Variants in BRINP1 observed in about 807,000 individuals in gnomAD.
BRINP1 encodes BMP/retinoic acid inducible neural specific 1.
Under a neutral mutation model 72.9 loss-of-function variants are expected in BRINP1, and 17 were observed. The ratio of observed to expected loss-of-function variants is 0.23; its 90% CI spans 0.16 to 0.35. The LOEUF is 0.35. Among genes scored for constraint, BRINP1 ranks in the 10% least tolerant of loss-of-function variants. The pLI is 1.00. For missense variants in BRINP1, 850 were observed against 1,001.6 expected (o/e 0.85, Z 2.04); for synonymous variants, 418 against 378.5 (o/e 1.10, Z -1.21).
At chr9:119,180,146 C>T (rs1386123447) in intron 7 of BRINP1, among the ~76,000 whole-genome samples, 2 of 152,038 alleles carry the variant, frequency 1.3e-5, no homozygotes, top group African/African-American at 2.4e-5. Context: ...TCATACAAAT[C>T]GAGTGCCAAG....
chr9:119,205,862 GC>G (rs1346547660), intron 7 of BRINP1, among the ~76,000 whole-genome samples: 3 of 126,170 alleles, frequency 2.4e-5, no homozygotes, highest in African/African-American at 1.2e-4. Flanking sequence ...GTCAAACATG[GC>G]CCTCCTCAAT....
intron 2 of BRINP1, among the ~76,000 whole-genome samples, chr9:119,274,180 C>A (rs73532292): frequency 0.013 from 1,926 of 152,262 alleles, 28 homozygotes; most frequent in Middle Eastern, 0.048. Context: ...TTGGTGTTCT[C>A]CTCTCCTCCC....
At chr9:119,260,137 A>C (rs2118933420) in intron 2 of BRINP1, among the ~76,000 whole-genome samples, 1 of 152,304 alleles carries the variant, frequency 6.6e-6, no homozygotes, top group South Asian at 2.1e-4. Flanking sequence ...GCTCTATATC[A>C]AGAACCAGGG....
At chr9:119,356,719 C>T (rs553657559) in intron 1 of BRINP1, among the ~76,000 whole-genome samples, 1 of 151,400 alleles carries the variant, frequency 6.6e-6, no homozygotes, top group East Asian at 2.0e-4. Context: ...GCAATAGAAT[C>T]GCTTGAACCT....
intron 1 of BRINP1, among the ~76,000 whole-genome samples, chr9:119,361,089 T>G (rs565340731): frequency 6.6e-6 from 1 of 152,252 alleles, no homozygotes; most frequent in African/African-American, 2.4e-5. Flanking sequence ...CTCACCAGGC[T>G]CTCCATTCCT....
chr9:119,215,464 A>C (rs569866517), intron 5 of BRINP1, among the ~76,000 whole-genome samples: 1 of 152,280 alleles, frequency 6.6e-6, no homozygotes. Context: ...TTAGCTTCCA[A>C]TATGAGGTAA....
chr9:119,266,950 G>A (rs1057251372), intron 2 of BRINP1, among the ~76,000 whole-genome samples: 7 of 152,178 alleles, frequency 4.6e-5, no homozygotes, highest in East Asian at 1.9e-4. Context: ...GGATCACTCC[G>A]GCTGCTGTGT....
chr9:119,280,100 G>A (rs1830694224), intron 2 of BRINP1, among the ~76,000 whole-genome samples: 1 of 152,038 alleles, frequency 6.6e-6, no homozygotes, highest in African/African-American at 2.4e-5. Flanking sequence ...AAACTCTCTG[G>A]GACACAGATA....
At chr9:119,192,919 G>C (rs1829696785) in intron 7 of BRINP1, among the ~76,000 whole-genome samples, 1 of 151,986 alleles carries the variant, frequency 6.6e-6, no homozygotes, top group Non-Finnish European at 1.5e-5. Context: ...CTGGGAACTG[G>C]CTCCTCAACC....
intron 1 of BRINP1, among the ~76,000 whole-genome samples, chr9:119,326,786 T>A (rs1220764844): frequency 6.6e-6 from 1 of 152,178 alleles, no homozygotes; most frequent in African/African-American, 2.4e-5. Flanking sequence ...AATAGGTAAT[T>A]TCAGTATAAT....
At chr9:119,300,351 A>G (rs1830927040) in intron 2 of BRINP1, among the ~76,000 whole-genome samples, 1 of 152,182 alleles carries the variant, frequency 6.6e-6, no homozygotes, top group Admixed American at 6.5e-5. Context: ...TTGTACATGT[A>G]AAAATAACAA....
At chr9:119,244,462 T>G (rs1477216729) in intron 3 of BRINP1, among the ~76,000 whole-genome samples, 1 of 152,178 alleles carries the variant, frequency 6.6e-6, no homozygotes, top group Non-Finnish European at 1.5e-5. Flanking sequence ...AGTTATCAGT[T>G]GATGGATAAG....
At chr9:119,328,369 A>G (rs1362769796) in intron 1 of BRINP1, among the ~76,000 whole-genome samples, 1 of 152,226 alleles carries the variant, frequency 6.6e-6, no homozygotes. Flanking sequence ...AGTATACAGT[A>G]CTTGGCTAAG....
At chr9:119,296,135 T>C (rs1830874994) in intron 2 of BRINP1, among the ~76,000 whole-genome samples, 1 of 152,156 alleles carries the variant, frequency 6.6e-6, no homozygotes, top group Non-Finnish European at 1.5e-5. Context: ...CTGCAAACCA[T>C]ATATCTAATG....
At chr9:119,268,244 A>G (rs1427323405) in intron 2 of BRINP1, among the ~76,000 whole-genome samples, 1 of 136,978 alleles carries the variant, frequency 7.3e-6, no homozygotes, top group Non-Finnish European at 1.5e-5. Flanking sequence ...CTCTGTCTCA[A>G]TAAATAGATA....
At chr9:119,259,678 T>C (rs1385487918) in intron 2 of BRINP1, among the ~76,000 whole-genome samples, 1 of 152,222 alleles carries the variant, frequency 6.6e-6, no homozygotes, top group African/African-American at 2.4e-5. Context: ...TTTTTTCCTT[T>C]CAGATCACAA....
At chr9:119,168,665 A>AC (rs966792759) in intron 7 of BRINP1, among the ~76,000 whole-genome samples, 39 of 152,206 alleles carry the variant, frequency 2.6e-4, no homozygotes, top group African/African-American at 8.2e-4. Context: ...ACATGTTTCA[A>AC]CCCCCATTAC....
chr9:119,295,339 G>C (rs1315677931), intron 2 of BRINP1, among the ~76,000 whole-genome samples: 1 of 152,008 alleles, frequency 6.6e-6, no homozygotes, highest in African/African-American at 2.4e-5. Flanking sequence ...AAATACATCA[G>C]TAGATGATTT....
chr9:119,259,231 G>T (rs900135641), intron 2 of BRINP1, among the ~76,000 whole-genome samples: 1 of 152,142 alleles, frequency 6.6e-6, no homozygotes, highest in Non-Finnish European at 1.5e-5. Flanking sequence ...CCACTCATTA[G>T]CCGAGTGAAC....
Sources: allele counts gnomAD v4.1 joint callset (sites outside exome capture counted in the v4.1 genomes callset), GRCh38; gene constraint gnomAD v4.1.1; transcripts MANE v1.5; gene names NCBI Gene and HGNC (gene_info 2026-07-23, HGNC 2026-07-21).